The following UBE2Z variants were observed in gnomAD, a reference collection of about 807,000 sequenced individuals.
The protein encoded by UBE2Z is ubiquitin-conjugating enzyme E2 Z.
In UBE2Z, 10 loss-of-function variants were observed where a neutral mutation model predicts 32.6. That is an observed-to-expected ratio of 0.31 (90% CI 0.19 to 0.52). UBE2Z has a LOEUF of 0.52. UBE2Z is among the 20% of genes least tolerant of loss of function. The pLI, the probability that UBE2Z is intolerant of heterozygous loss-of-function variation, is 0.97. For synonymous variants in UBE2Z, 183 were observed against 190.8 expected (o/e 0.96, Z 0.34); for missense variants, 343 against 480.9 (o/e 0.71, Z 2.68).
chr17:48,921,520 GC>G (rs2040758432), intron 5 of UBE2Z, among the ~76,000 whole-genome samples: 1 of 152,190 alleles, frequency 6.6e-6, no homozygotes, highest in Non-Finnish European at 1.5e-5. Context: ...TTTGATGAAG[GC>G]TTGGACGTAC....
At chr17:48,913,197 G>A (rs560720798) in intron 3 of UBE2Z, among the ~76,000 whole-genome samples, 176 bp downstream of exon 3, 1 of 152,218 alleles carries the variant, frequency 6.6e-6, no homozygotes, top group South Asian at 2.1e-4. Flanking sequence ...GCAGAGGGGA[G>A]AAGTTAATTT....
At chr17:48,909,246 C>T (rs978158630) in intron 1 of UBE2Z, among the ~76,000 whole-genome samples, 1 of 151,484 alleles carries the variant, frequency 6.6e-6, no homozygotes, top group African/African-American at 2.4e-5. Flanking sequence ...GGTCCCCTCT[C>T]TTCTCCTCTG....
intron 6 of UBE2Z, among the ~76,000 whole-genome samples, chr17:48,926,394 G>A (rs990554461): frequency 4.0e-5 from 6 of 151,854 alleles, no homozygotes; most frequent in South Asian, 2.1e-4. Context: ...CCCTTCTTCC[G>A]GATATTGGTT....
Position 48,908,801 on chromosome 17 carries a change from T to G in UBE2Z, c.298T>G (p.Cys100Gly). ...DWDGERTAPQCLLRIKRDIMS... is the reference protein window; with the variant it reads ...DWDGERTAPQGLLRIKRDIMS... ...GGACGGCGAGCGCACCGCGCCGCAGTGTCTACTCCGGATCAAGCGGTGAGC... is the reference window on the plus strand; with the variant it reads ...GGACGGCGAGCGCACCGCGCCGCAGGGTCTACTCCGGATCAAGCGGTGAGC... Residue 100 changes from cysteine to glycine, a missense_variant, in exon 1 of 7, where the codon TGT (cysteine) becomes GGT (glycine). Around this residue, in one of 4 missense-constraint regions of UBE2Z, gnomAD observed 55 missense variants for 56.2 expected, o/e 0.98. Transcript: ENST00000360943. 1 of 1,504,938 alleles carries G rather than the reference T, an allele frequency of 6.6e-7. No individual in the cohort carries two copies. The highest frequency in any genetic ancestry group is 8.8e-7 in the Non-Finnish European group (1 of 1,131,704). 93.2% of individuals were successfully genotyped at this position (1,504,938 alleles called of 1,614,324 possible). A position where few individuals can be genotyped will look rare whatever the true frequency, so the allele number is the denominator to read the frequency against.
At chr17:48,912,118 T>C (rs2040683051) in intron 2 of UBE2Z, 1 of 150,020 alleles carries the variant, frequency 6.7e-6, no homozygotes, top group Non-Finnish European at 1.5e-5. Context: ...CTAATGGCTC[T>C]GAGTGGACCC....
Position 48,911,694 on chromosome 17 carries a change from T to C in UBE2Z, c.390+814T>C, listed in dbSNP as rs570697610. On this transcript the variant is annotated intron_variant, in intron 2 of 6. Coordinates refer to ENST00000360943, the MANE Select transcript of UBE2Z (RefSeq NM_023079.5). Reference sequence around the variant, plus strand: ...TTTTTTTTATGTAGTTAGAAATGTTTTTCCTAGGACATCTCGTCCTCAGTC... The same window carrying C: ...TTTTTTTTATGTAGTTAGAAATGTTCTTCCTAGGACATCTCGTCCTCAGTC... 247 of 152,336 alleles carry C rather than the reference T, an allele frequency of 1.6e-3. 1 individual carries two copies. The highest frequency in any genetic ancestry group is 5.7e-3 in the African/African-American group (237 of 41,568). 9.4% of individuals were successfully genotyped at this position (152,336 alleles called of 1,614,324 possible).
At position 48,916,065 on chromosome 17, in the gene UBE2Z, T is replaced by G; in HGVS notation, c.579-11T>G. On this transcript the variant is annotated splice_polypyrimidine_tract_variant and intron_variant, in intron 3 of 6. Coordinates refer to ENST00000360943, the MANE Select transcript of UBE2Z (RefSeq NM_023079.5). The stretch of plus-strand genomic sequence containing the variant: ...CTGCCTCACCCTCCATTCCTTCTGA[T>G]GTGTTTACAGTACATGGACTGGACC... 2 of 1,574,526 alleles carry G rather than the reference T, an allele frequency of 1.3e-6. No homozygotes were observed. The highest frequency in any genetic ancestry group is 1.7e-6 in the Non-Finnish European group (2 of 1,161,264).
chr17:48,927,274 G>A lies in UBE2Z; in HGVS notation c.*140G>A, dbSNP rs781158895. On this transcript the variant is annotated 3_prime_UTR_variant, in exon 7 of 7. Coordinates refer to ENST00000360943, the MANE Select transcript of UBE2Z (RefSeq NM_023079.5). ...AGATGGCAAGAACCAAGCAAGCTCCGATCCCAGGGTGTGGGAGTGGGGGCC... is the reference window on the plus strand; with the variant it reads ...AGATGGCAAGAACCAAGCAAGCTCCAATCCCAGGGTGTGGGAGTGGGGGCC... The A allele has an allele frequency of 3.8e-5, 35 of 924,918 alleles. No homozygotes were observed. In the Middle Eastern group the frequency reaches 1.0e-3, roughly 28 times the overall value. 57.3% of individuals were successfully genotyped at this position (924,918 alleles called of 1,614,324 possible).
intron 4 of UBE2Z, 121 bp from the exon 5 acceptor site, chr17:48,921,039 G>A (rs2040754576): frequency 1.3e-6 from 1 of 742,242 alleles, no homozygotes; most frequent in Non-Finnish European, 2.3e-6. Flanking sequence ...CATACAGTGG[G>A]AAAGGTATCT....
intron 4 of UBE2Z, among the ~76,000 whole-genome samples, chr17:48,916,659 A>G (rs1462754613): frequency 2.0e-5 from 3 of 151,916 alleles, no homozygotes; most frequent in Non-Finnish European, 2.9e-5. Flanking sequence ...GGTATAGGGA[A>G]AAAAAGGGAA....
chr17:48,910,395 T>C, intron 1 of UBE2Z: 1 of 187,846 alleles, frequency 5.3e-6, no homozygotes, highest in South Asian at 1.1e-4. Flanking sequence ...TTAGTGGAGT[T>C]GATGATGCCT....
At chr17:48,921,634 A>G (rs1464976556) in intron 5 of UBE2Z, among the ~76,000 whole-genome samples, 10 of 152,244 alleles carry the variant, frequency 6.6e-5, no homozygotes, top group Non-Finnish European at 1.2e-4. Flanking sequence ...TCAGGGTTAA[A>G]TAAATAAACT....
At chr17:48,910,759 T>C (rs1184524145) in intron 1 of UBE2Z, 49 bp from the exon 2 acceptor site, 2 of 1,425,582 alleles carry the variant, frequency 1.4e-6, no homozygotes, top group African/African-American at 2.8e-5. Context: ...GATTCCCCCT[T>C]TCCCCCTCTT....
chr17:48,923,493 G>C (rs959796355), intron 6 of UBE2Z, among the ~76,000 whole-genome samples: 2 of 151,762 alleles, frequency 1.3e-5, no homozygotes, highest in African/African-American at 4.8e-5. Context: ...TTGGCTCAGC[G>C]TGGTAGCATG....
chr17:48,916,212 G>A (rs374928569), intron 4 of UBE2Z, 25 bp downstream of exon 4: 24 of 1,419,436 alleles, frequency 1.7e-5, no homozygotes, highest in African/African-American at 3.0e-5. Context: ...GCCTGGCTCT[G>A]GGGTGTAGAC....
In UBE2Z at chr17:48,922,987, A is replaced by G. The variant is rs771642452; in HGVS notation, c.894+50A>G. On this transcript the variant is annotated intron_variant, in intron 6 of 6. Coordinates refer to ENST00000360943, the MANE Select transcript of UBE2Z (RefSeq NM_023079.5). ...GCAGAAGCCCTACAGCTGGCCATGT[A>G]AAAGCCCCCCACAAGCGTGGCATCG... is the stretch of plus-strand genomic sequence containing the variant. The G allele has an allele frequency of 4.1e-5, 63 of 1,521,248 alleles. 2 individuals are homozygous for G. The South Asian group carries it at 7.4e-4, about 18-fold the overall frequency. The allele number at this position is 1,521,248 out of a possible 1,614,324, so 94.2% of individuals were successfully genotyped here. A position where few individuals can be genotyped will look rare whatever the true frequency, so the allele number is the denominator to read the frequency against.
rs993788008 is a variant in UBE2Z, at chr17:48,929,006, TTTG to T, written c.*1875_*1877del. 12 of 148,902 alleles carry T rather than the reference TTTG, an allele frequency of 8.1e-5. No homozygotes were observed. Among genetic ancestry groups the T allele is most frequent in the Admixed American group, 2.0e-4 (3 of 15,018 alleles). The allele number at this position is 148,902 out of a possible 1,614,324, so 9.2% of individuals were successfully genotyped here. ...TCTGACTGTATATAAATGAAGTTTTTTTGTTTTTTTTGTTTTCCTTTTTGGTGC... is the reference window on the plus strand; with the variant it reads ...TCTGACTGTATATAAATGAAGTTTTTTTTTTTTTGTTTTCCTTTTTGGTGC... On this transcript the variant is annotated 3_prime_UTR_variant, in exon 7 of 7. Transcript: ENST00000360943.
intron 6 of UBE2Z, among the ~76,000 whole-genome samples, chr17:48,924,397 A>G (rs945927041): frequency 4.5e-4 from 69 of 152,202 alleles, no homozygotes; most frequent in Non-Finnish European, 1.6e-4. Context: ...GCTTAGAGAA[A>G]CAACATACCT....
chr17:48,914,669 T>C (rs1008862677), intron 3 of UBE2Z, among the ~76,000 whole-genome samples: 1 of 152,126 alleles, frequency 6.6e-6, no homozygotes, highest in Non-Finnish European at 1.5e-5. Flanking sequence ...GTAGTAGAAG[T>C]GTGTTAGGTA....
Sources: allele counts gnomAD v4.1 joint callset (sites outside exome capture counted in the v4.1 genomes callset), GRCh38; gene constraint gnomAD v4.1.1; regional missense constraint gnomAD v4.1.1; transcripts MANE v1.5; gene names NCBI Gene and HGNC (gene_info 2026-07-23, HGNC 2026-07-21).